The following FBLN7 variants were observed in gnomAD, a reference collection of about 807,000 sequenced individuals.
FBLN7 encodes the protein fibulin 7, also known as fibulin-7.
In FBLN7, 31 loss-of-function variants were observed where a neutral mutation model predicts 44.0. That is an observed-to-expected ratio of 0.70 (90% CI 0.53 to 0.95). The LOEUF (loss-of-function observed/expected upper bound fraction) is 0.95. Ranked by LOEUF, FBLN7 falls within the 40% of genes least tolerant of loss-of-function variation. The probability of loss-of-function intolerance (pLI) is 0.00; values close to 1 mark genes in which losing one functional copy is unlikely to be tolerated. For missense variants in FBLN7, 573 were observed against 618.5 expected (o/e 0.93, Z 0.78); for synonymous variants, 262 against 253.4 (o/e 1.03, Z -0.32).
the FBLN7 span, among the ~76,000 whole-genome samples, chr2:112,226,589 C>CAAAAAAA: frequency 1.1e-4 from 8 of 74,202 alleles, 2 homozygotes; most frequent in African/African-American, 4.8e-4. Context: ...GACTCCATCT[C>CAAAAAAA]AAAAAAAAAA....
At chr2:112,188,801 C>T (rs1436568747), downstream of FBLN7, 1 of 152,220 alleles carries the variant, frequency 6.6e-6, no homozygotes, top group Non-Finnish European at 1.5e-5. Context: ...GGTTGAGACA[C>T]AGTCAAGAGT....
At chr2:112,238,248 C>T in the FBLN7 span, 1 of 1,481,288 alleles carries the variant, frequency 6.8e-7, no homozygotes, top group African/African-American at 1.4e-5. Flanking sequence ...AATCCTCTGT[C>T]CGTATATGGA....
intron 1 of FBLN7, among the ~76,000 whole-genome samples, chr2:112,140,440 G>A (rs1326955617): frequency 6.6e-6 from 1 of 152,142 alleles, no homozygotes; most frequent in African/African-American, 2.4e-5. Context: ...TTGAGAGCTC[G>A]GAGCGATGCC....
At chr2:112,230,357 T>G in the FBLN7 span, among the ~76,000 whole-genome samples, 3 of 152,198 alleles carry the variant, frequency 2.0e-5, no homozygotes, top group Admixed American at 6.5e-5. Flanking sequence ...GCACATACTG[T>G]GGATAACTTG....
chr2:112,172,649 T>C (rs2104587132), intron 3 of FBLN7, among the ~76,000 whole-genome samples: 1 of 145,320 alleles, frequency 6.9e-6, no homozygotes, highest in Non-Finnish European at 1.5e-5. Flanking sequence ...TTTTTTTTTT[T>C]TTGAGACAGA....
chr2:112,161,946 G>A (rs879392036), intron 2 of FBLN7, among the ~76,000 whole-genome samples: 1 of 152,198 alleles, frequency 6.6e-6, no homozygotes, highest in Admixed American at 6.5e-5. Context: ...TCAGGGTGTG[G>A]TGGGGGTTGG....
At chr2:112,172,575 G>A (rs150151696) in intron 3 of FBLN7, among the ~76,000 whole-genome samples, 10 of 150,554 alleles carry the variant, frequency 6.6e-5, no homozygotes, top group African/African-American at 2.4e-4. Flanking sequence ...CTCAGTGCCA[G>A]CCTTTCTGGG....
intron 3 of FBLN7, among the ~76,000 whole-genome samples, chr2:112,171,616 G>GA (rs986029377): frequency 6.6e-6 from 1 of 151,868 alleles, no homozygotes; most frequent in African/African-American, 2.4e-5. Context: ...TTAAATTAAT[G>GA]AAAAAAAGAT....
chr2:112,234,231 A>G, the FBLN7 span: 1 of 1,593,162 alleles, frequency 6.3e-7, no homozygotes, highest in South Asian at 1.2e-5. Context: ...CTTTAGGTTT[A>G]CCATCCTTTA....
At chr2:112,231,307 A>C in the FBLN7 span, among the ~76,000 whole-genome samples, 1 of 152,176 alleles carries the variant, frequency 6.6e-6, no homozygotes, top group Non-Finnish European at 1.5e-5. Context: ...AGAATCTTTT[A>C]AATTTTCATG....
intron 2 of FBLN7, among the ~76,000 whole-genome samples, chr2:112,162,488 G>A (rs1006602349): frequency 6.6e-6 from 1 of 152,076 alleles, no homozygotes; most frequent in African/African-American, 2.4e-5. Context: ...CAGCCTCAGC[G>A]GATTCATGTC....
chr2:112,154,351 G>A (rs867381130), intron 1 of FBLN7, among the ~76,000 whole-genome samples: 7 of 152,172 alleles, frequency 4.6e-5, no homozygotes, highest in South Asian at 2.1e-4. Context: ...AAAACGGGGC[G>A]CCTCAAGAGC....
At chr2:112,236,993 C>T in the FBLN7 span, among the ~76,000 whole-genome samples, 1 of 152,166 alleles carries the variant, frequency 6.6e-6, no homozygotes, top group South Asian at 2.1e-4. Context: ...CCAAGGTGTT[C>T]AAGGTTACAG....
At chr2:112,160,768 A>G (rs1257818705) in intron 2 of FBLN7, among the ~76,000 whole-genome samples, 1 of 40,524 alleles carries the variant, frequency 2.5e-5, no homozygotes, top group African/African-American at 1.1e-4. Flanking sequence ...ACGCACGCAC[A>G]CGCAGACGCA....
chr2:112,191,395 C>G (rs141132330), downstream of FBLN7, among the ~76,000 whole-genome samples: 3 of 152,284 alleles, frequency 2.0e-5, no homozygotes, highest in East Asian at 5.8e-4. Context: ...AAGCTGGTCT[C>G]AAACTCCTGT....
chr2:112,156,628 C>T (rs1025002976), intron 1 of FBLN7, among the ~76,000 whole-genome samples: 14 of 152,168 alleles, frequency 9.2e-5, no homozygotes, highest in Non-Finnish European at 2.1e-4. Flanking sequence ...CTCCTGAGTG[C>T]CCCAGGACCT....
At chr2:112,191,915 G>A (rs1306354922), downstream of FBLN7, among the ~76,000 whole-genome samples, 2 of 152,032 alleles carry the variant, frequency 1.3e-5, no homozygotes, top group Non-Finnish European at 2.9e-5. Context: ...TCTTCTGACC[G>A]GTTCCCTCCA....
chr2:112,230,143 C>T, the FBLN7 span, among the ~76,000 whole-genome samples: 1 of 152,162 alleles, frequency 6.6e-6, no homozygotes, highest in East Asian at 1.9e-4. Flanking sequence ...AGAAAAGATG[C>T]TGCACTTCAT....
At chr2:112,231,818 T>C in the FBLN7 span, 2 of 1,456,734 alleles carry the variant, frequency 1.4e-6, no homozygotes, top group Non-Finnish European at 1.9e-6. Flanking sequence ...AAACAAAAGA[T>C]TATTAAAAAT....
Sources: allele counts gnomAD v4.1 joint callset (sites outside exome capture counted in the v4.1 genomes callset), GRCh38; gene constraint gnomAD v4.1.1; transcripts MANE v1.5; gene names NCBI Gene and HGNC (gene_info 2026-07-23, HGNC 2026-07-21).